MTDH: variants seen among roughly 807,000 people sequenced by gnomAD.
MTDH encodes metadherin.
Under a neutral mutation model 72.7 loss-of-function variants are expected in MTDH, and 34 were observed. That is an observed-to-expected ratio of 0.47 (90% CI 0.36 to 0.62). MTDH has a LOEUF of 0.62. Among genes scored for constraint, MTDH ranks in the 20% least tolerant of loss-of-function variants. MTDH has a pLI of 0.00. For synonymous variants in MTDH, 266 were observed against 268.9 expected (o/e 0.99, Z 0.10); for missense variants, 677 against 699.4 (o/e 0.97, Z 0.36).
intron 2 of MTDH, among the ~76,000 whole-genome samples, chr8:97,682,455 C>A (rs1215260768): frequency 6.7e-6 from 1 of 149,660 alleles, no homozygotes. Flanking sequence ...CCCGCCACCA[C>A]GCCTGGCTAA....
intron 8 of MTDH, among the ~76,000 whole-genome samples, chr8:97,708,267 T>C (rs1343198402): frequency 2.1e-5 from 1 of 47,158 alleles, no homozygotes; most frequent in African/African-American, 1.3e-4. Context: ...GCCAGGCCTT[T>C]TTTTTTTTTT....
At chr8:97,701,419 GAAA>G (rs575592178) in intron 7 of MTDH, among the ~76,000 whole-genome samples, 1 of 151,602 alleles carries the variant, frequency 6.6e-6, no homozygotes. Context: ...ATAATGACAA[GAAA>G]AAAAAGTGTG....
At chr8:97,659,864 A>G (rs556011334) in intron 1 of MTDH, among the ~76,000 whole-genome samples, 3 of 152,340 alleles carry the variant, frequency 2.0e-5, no homozygotes, top group East Asian at 3.9e-4. Flanking sequence ...TATTATTTAA[A>G]AAGTAAAAAA....
At position 97,724,798 on chromosome 8, in the gene MTDH, C is replaced by T. The variant is rs867807932; in HGVS notation, c.*128C>T. ...TAAACCAATTTTTAAAACAAAACTG[C>T]GGACACCACCATAAAAATGGAATCA... On this transcript the variant is annotated 3_prime_UTR_variant, in exon 12 of 12. Coordinates refer to ENST00000336273, the MANE Select transcript of MTDH (RefSeq NM_178812.4). 4 of 573,136 alleles carry T rather than the reference C, an allele frequency of 7.0e-6. No homozygotes were observed. The highest frequency in any genetic ancestry group is 3.2e-5 in the South Asian group (1 of 30,978). The allele number at this position is 573,136 out of a possible 1,614,324, so 35.5% of individuals were successfully genotyped here.
At chr8:97,674,805 C>A (rs976777728) in intron 2 of MTDH, among the ~76,000 whole-genome samples, 1 of 150,998 alleles carries the variant, frequency 6.6e-6, no homozygotes, top group African/African-American at 2.5e-5. Flanking sequence ...CAAGAAAATA[C>A]TCAGCATTCT....
chr8:97,645,806 T>G (rs62521668), intron 1 of MTDH, among the ~76,000 whole-genome samples: 23,389 of 152,198 alleles, frequency 0.15, 1,995 homozygotes, highest in East Asian at 0.33. Context: ...TTTAAAAATA[T>G]TTTACATTTG....
Position 97,644,323 on chromosome 8 carries a change from A to C in MTDH, c.-184A>C. On this transcript the variant is annotated 5_prime_UTR_variant, in exon 1 of 12. Coordinates refer to ENST00000336273, the MANE Select transcript of MTDH (RefSeq NM_178812.4). ...GGCGGAGTGAGGCTGACAGCGGGGA[A>C]CCTGGGAGACCCCTCCGCCCTCCCC... is the stretch of plus-strand genomic sequence containing the variant. 6 of 706,536 alleles carry C rather than the reference A, an allele frequency of 8.5e-6. No homozygotes were observed. Among genetic ancestry groups the C allele is most frequent in the Non-Finnish European group, 1.3e-5 (6 of 461,648 alleles). The allele number at this position is 706,536 out of a possible 1,614,324, so 43.8% of individuals were successfully genotyped here.
Position 97,675,964 on chromosome 8 carries a change from A to G in MTDH, c.484-10704A>G, listed in dbSNP as rs532335399. On this transcript the variant is annotated intron_variant, in intron 2 of 11. Coordinates refer to ENST00000336273, the MANE Select transcript of MTDH (RefSeq NM_178812.4). ...GTTTTTTTTTTTTTTTTTCTGAGAT[A>G]GGGTCTCACTCTGTTGCCCAGGCTG... Among the ~76,000 whole-genome samples the G allele has an allele frequency of 6.1e-5, 9 of 146,402 alleles. No homozygotes were observed. The East Asian group carries it at 1.8e-3, about 29-fold the overall frequency.
intron 1 of MTDH, among the ~76,000 whole-genome samples, chr8:97,656,862 T>C (rs1293972959): frequency 6.6e-6 from 1 of 151,746 alleles, no homozygotes; most frequent in Non-Finnish European, 1.5e-5. Context: ...TAGCCAGGCA[T>C]GATGACATGT....
intron 2 of MTDH, among the ~76,000 whole-genome samples, chr8:97,682,261 TATATATATATATATATATA>T (rs1229465229): frequency 4.8e-3 from 37 of 7,776 alleles, no homozygotes; most frequent in Non-Finnish European, 6.8e-3. Flanking sequence ...TATATATATA[TATATATATATATATATATA>T]TTTTTTTTTT....
intron 6 of MTDH, among the ~76,000 whole-genome samples, chr8:97,693,403 A>T (rs940905945): frequency 2.6e-5 from 4 of 151,620 alleles, no homozygotes; most frequent in African/African-American, 7.3e-5. Context: ...GTGCAATCTC[A>T]GCTCACTGCA....
At chr8:97,673,999 T>C (rs1315981405) in intron 2 of MTDH, among the ~76,000 whole-genome samples, 1 of 151,492 alleles carries the variant, frequency 6.6e-6, no homozygotes, top group Admixed American at 6.6e-5. Context: ...CAAAAAAAAT[T>C]TTTTTAATTA....
chr8:97,665,390 C>T (rs947698759), intron 2 of MTDH, among the ~76,000 whole-genome samples: 2 of 152,020 alleles, frequency 1.3e-5, no homozygotes, highest in South Asian at 2.1e-4. Context: ...ACACATAGGA[C>T]GATTAGCCAG....
In MTDH at chr8:97,705,161, G is replaced by A. The variant is rs1481609208; in HGVS notation, c.1148-1465G>A. On this transcript the variant is annotated intron_variant, in intron 7 of 11. Transcript: ENST00000336273. ...AAAATACAAAAATTAGCCGGGTGTG[G>A]TGGTGCACGCCTGTAATCCCAGCTA... is the stretch of plus-strand genomic sequence containing the variant. Among the ~76,000 whole-genome samples the A allele has an allele frequency of 2.6e-5, 4 of 151,984 alleles. No homozygotes were observed. In the East Asian group the frequency reaches 7.7e-4, roughly 29 times the overall value.
intron 2 of MTDH, among the ~76,000 whole-genome samples, chr8:97,682,248 AT>A: frequency 2.9e-4 from 1 of 3,424 alleles, no homozygotes; most frequent in South Asian, 8.2e-3. Flanking sequence ...ATATATATAT[AT>A]ATATATATAT....
At chr8:97,667,302 T>TA (rs113076674) in intron 2 of MTDH, among the ~76,000 whole-genome samples, 20 of 150,156 alleles carry the variant, frequency 1.3e-4, no homozygotes, top group South Asian at 4.2e-4. Context: ...TACTCACAGT[T>TA]AAAAAAAAAA....
intron 6 of MTDH, among the ~76,000 whole-genome samples, chr8:97,699,509 G>A (rs1402433421): frequency 6.6e-6 from 1 of 151,990 alleles, no homozygotes; most frequent in African/African-American, 2.4e-5. Flanking sequence ...AAATCTAATG[G>A]ATTGGTGCTA....
chr8:97,676,825 A>G (rs1812864778), intron 2 of MTDH, among the ~76,000 whole-genome samples: 1 of 151,690 alleles, frequency 6.6e-6, no homozygotes, highest in Non-Finnish European at 1.5e-5. Flanking sequence ...AACATGGTGA[A>G]ACCCCCTCTC....
chr8:97,669,983 T>G (rs1322132415), intron 2 of MTDH, among the ~76,000 whole-genome samples: 1 of 151,814 alleles, frequency 6.6e-6, no homozygotes, highest in Non-Finnish European at 1.5e-5. Context: ...GTAGCCTGGA[T>G]TTTTTTGCCT....
Sources: gnomAD v4.1 joint callset for allele counts (sites outside exome capture counted in the v4.1 genomes callset) on GRCh38, gnomAD v4.1.1 for gene constraint, MANE v1.5 for transcripts, NCBI Gene and HGNC (gene_info 2026-07-23, HGNC 2026-07-21) for gene names.